LRMDA: variants seen among roughly 807,000 people sequenced by gnomAD.
The protein encoded by LRMDA is leucine rich melanocyte differentiation associated, also known as leucine-rich melanocyte differentiation-associated protein.
In LRMDA, 18 loss-of-function variants were observed where a neutral mutation model predicts 29.8. The ratio of observed to expected loss-of-function variants is 0.60; its 90% CI spans 0.42 to 0.90. LRMDA has a LOEUF of 0.90. LRMDA is among the 40% of genes least tolerant of loss of function. The probability of loss-of-function intolerance (pLI) is 0.00; values close to 1 mark genes in which losing one functional copy is unlikely to be tolerated. For synonymous variants in LRMDA, 125 were observed against 109.4 expected (o/e 1.14, Z -0.89); for missense variants, 273 against 273.9 (o/e 1.00, Z 0.02).
At chr10:75,927,457 C>T (rs539416597) in intron 2 of LRMDA, among the ~76,000 whole-genome samples, 1 of 152,216 alleles carries the variant, frequency 6.6e-6, no homozygotes, top group African/African-American at 2.4e-5. Context: ...TCCTCTTCTC[C>T]TCACTTCTTC....
intron 2 of LRMDA, among the ~76,000 whole-genome samples, chr10:75,821,522 C>A (rs1844157602): frequency 6.6e-6 from 1 of 152,218 alleles, no homozygotes; most frequent in African/African-American, 2.4e-5. Context: ...GTAATCCCAG[C>A]ACTTTGGGAG....
At chr10:76,222,409 C>A (rs1034185405) in intron 5 of LRMDA, among the ~76,000 whole-genome samples, 8 of 151,964 alleles carry the variant, frequency 5.3e-5, no homozygotes, top group Middle Eastern at 3.4e-3. Context: ...CAATGAACTC[C>A]AACAAATTTA....
At chr10:75,552,338 T>C (rs568227151) in intron 2 of LRMDA, 261 of 174,452 alleles carry the variant, frequency 1.5e-3, no homozygotes, top group Non-Finnish European at 2.2e-3. Flanking sequence ...AGTGCTTTAA[T>C]GGTGTCACTC....
At chr10:75,949,299 T>C (rs79156021) in intron 2 of LRMDA, among the ~76,000 whole-genome samples, 2,969 of 152,344 alleles carry the variant, frequency 0.019, 35 homozygotes, top group Middle Eastern at 0.037. Flanking sequence ...AATCTGGGCC[T>C]CCATCATGTA....
chr10:75,487,388 A>G (rs1470158025), intron 2 of LRMDA, among the ~76,000 whole-genome samples: 1 of 152,174 alleles, frequency 6.6e-6, no homozygotes, highest in African/African-American at 2.4e-5. Context: ...GTCTGGAGCC[A>G]GGACTTGAAG....
chr10:75,939,415 C>T lies in LRMDA; in HGVS notation c.132-96593C>T, dbSNP rs1421092117. On this transcript the variant is annotated intron_variant, in intron 2 of 6. Coordinates refer to ENST00000611255, the MANE Select transcript of LRMDA (RefSeq NM_001305581.2). ...TTGTCGTGAATTATGTCCTAAAGATCCTTGGAGAGATGTTCTCCAGGGGAG... is the reference window on the plus strand; with the variant it reads ...TTGTCGTGAATTATGTCCTAAAGATTCTTGGAGAGATGTTCTCCAGGGGAG... 2.0e-5 allele frequency among the ~76,000 whole-genome samples: 3 copies of T among 152,096 alleles called. No individual in the cohort carries two copies. In the East Asian group the frequency reaches 5.8e-4, roughly 29 times the overall value.
chr10:76,529,896 CTT>C (rs1209909212), intron 6 of LRMDA, among the ~76,000 whole-genome samples: 7 of 152,142 alleles, frequency 4.6e-5, no homozygotes, highest in African/African-American at 1.7e-4. Context: ...GGTAAGAAGA[CTT>C]GGGCCAATAG....
chr10:75,903,494 A>C (rs1845709377), intron 2 of LRMDA, among the ~76,000 whole-genome samples: 2 of 152,244 alleles, frequency 1.3e-5, no homozygotes, highest in Admixed American at 1.3e-4. Flanking sequence ...CCATTATTGG[A>C]TAAATTACCA....
chr10:75,970,618 C>G (rs529170723), intron 2 of LRMDA, among the ~76,000 whole-genome samples: 3 of 152,166 alleles, frequency 2.0e-5, no homozygotes, highest in Non-Finnish European at 4.4e-5. Context: ...GTTGCCCAAC[C>G]CTCCTTCTCT....
At chr10:76,472,696 G>A (rs1306434669) in intron 6 of LRMDA, among the ~76,000 whole-genome samples, 1 of 151,328 alleles carries the variant, frequency 6.6e-6, no homozygotes, top group Non-Finnish European at 1.5e-5. Context: ...AATGAAAGAG[G>A]GAGCATTACT....
At chr10:75,927,391 A>G (rs1404921896) in intron 2 of LRMDA, among the ~76,000 whole-genome samples, 1 of 152,128 alleles carries the variant, frequency 6.6e-6, no homozygotes, top group Non-Finnish European at 1.5e-5. Context: ...TCGTTCCATC[A>G]TGTTCAATGG....
chr10:76,378,224 T>C (rs576737909), intron 6 of LRMDA, among the ~76,000 whole-genome samples: 1 of 152,312 alleles, frequency 6.6e-6, no homozygotes, highest in Non-Finnish European at 1.5e-5. Context: ...CTGATTTTTG[T>C]AGGTTGAATT....
chr10:76,014,143 T>TAA (rs1177006623), intron 2 of LRMDA, among the ~76,000 whole-genome samples: 1,258 of 37,152 alleles, frequency 0.034, 28 homozygotes, highest in African/African-American at 0.077. Flanking sequence ...TATATATATA[T>TAA]AATTATATAT....
At chr10:75,639,588 C>G (rs1841427202) in intron 2 of LRMDA, among the ~76,000 whole-genome samples, 1 of 152,192 alleles carries the variant, frequency 6.6e-6, no homozygotes. Context: ...GGGAAGTTCT[C>G]TCATTCAGCC....
intron 5 of LRMDA, among the ~76,000 whole-genome samples, chr10:76,073,461 G>A (rs749227277): frequency 1.3e-5 from 2 of 152,114 alleles, no homozygotes; most frequent in African/African-American, 2.4e-5. Context: ...TCTCTATCAA[G>A]TTGACCTAAG....
chr10:75,888,826 C>T (rs1366219620), intron 2 of LRMDA, among the ~76,000 whole-genome samples: 5 of 152,140 alleles, frequency 3.3e-5, no homozygotes, highest in African/African-American at 4.8e-5. Context: ...ATGGTCTTAG[C>T]AGAGGGATGG....
intron 2 of LRMDA, among the ~76,000 whole-genome samples, chr10:75,674,412 T>C (rs1841936773): frequency 6.6e-6 from 1 of 152,214 alleles, no homozygotes; most frequent in African/African-American, 2.4e-5. Context: ...CAATTTCTTA[T>C]ATCTCATCCA....
chr10:75,968,223 G>A (rs1846901694), intron 2 of LRMDA, among the ~76,000 whole-genome samples: 1 of 152,112 alleles, frequency 6.6e-6, no homozygotes, highest in African/African-American at 2.4e-5. Context: ...CCCCACTAGA[G>A]CTGTAAGGAC....
At chr10:75,755,033 A>C (rs1843014043) in intron 2 of LRMDA, among the ~76,000 whole-genome samples, 1 of 150,266 alleles carries the variant, frequency 6.7e-6, no homozygotes, top group African/African-American at 2.5e-5. Context: ...CTCATGGAAA[A>C]GTTTTTTGGT....
Sources: allele counts gnomAD v4.1 joint callset (sites outside exome capture counted in the v4.1 genomes callset), GRCh38; gene constraint gnomAD v4.1.1; transcripts MANE v1.5; gene names NCBI Gene and HGNC (gene_info 2026-07-23, HGNC 2026-07-21).